Variants in PAG1 observed in about 807,000 individuals in gnomAD.
The protein encoded by PAG1 is phosphoprotein membrane anchor with glycosphingolipid microdomains 1, also known as phosphoprotein associated with glycosphingolipid-enriched microdomains 1.
In PAG1, 23 loss-of-function variants were observed where a neutral mutation model predicts 31.7. The observed-to-expected ratio is 0.73, with a 90% CI of 0.52 to 1.03. The LOEUF (loss-of-function observed/expected upper bound fraction) is 1.03. Ranked by LOEUF, PAG1 falls within the 50% of genes least tolerant of loss-of-function variation. The pLI is 0.00. For missense variants in PAG1, 473 were observed against 540.7 expected (o/e 0.87, Z 1.24); for synonymous variants, 214 against 210.3 (o/e 1.02, Z -0.15).
chr8:81,023,627 G>A (rs764658471), intron 3 of PAG1, among the ~76,000 whole-genome samples: 3 of 151,994 alleles, frequency 2.0e-5, no homozygotes, highest in African/African-American at 7.2e-5. Flanking sequence ...GAGAAAAAAA[G>A]GGAGAGAGAG....
intron 3 of PAG1, among the ~76,000 whole-genome samples, chr8:80,999,283 G>C (rs1215384242): frequency 1.3e-5 from 2 of 152,194 alleles, no homozygotes; most frequent in Non-Finnish European, 2.9e-5. Flanking sequence ...AGGTACAAAG[G>C]CTTTTGCCTA....
chr8:81,011,862 G>A (rs972612758), intron 3 of PAG1, among the ~76,000 whole-genome samples: 5 of 152,164 alleles, frequency 3.3e-5, no homozygotes, highest in African/African-American at 9.7e-5. Context: ...CTGGTAGAGA[G>A]GGCTTCTCCA....
intron 3 of PAG1, among the ~76,000 whole-genome samples, chr8:80,996,861 G>A (rs1807684418): frequency 6.6e-6 from 1 of 152,226 alleles, no homozygotes; most frequent in South Asian, 2.1e-4. Flanking sequence ...CTTAGGATGA[G>A]TGATGGGGGA....
At chr8:81,013,797 C>T (rs547876235) in intron 3 of PAG1, among the ~76,000 whole-genome samples, 73 of 152,218 alleles carry the variant, frequency 4.8e-4, no homozygotes, top group African/African-American at 1.7e-3. Flanking sequence ...CCAGGCTGGT[C>T]TCAAACTCCT....
At chr8:81,005,566 G>C (rs541569964) in intron 3 of PAG1, among the ~76,000 whole-genome samples, 1 of 152,148 alleles carries the variant, frequency 6.6e-6, no homozygotes, top group South Asian at 2.1e-4. Context: ...CCTTGGACCC[G>C]ATACAAAAGG....
chr8:80,992,031 A>T (rs1261197340), intron 4 of PAG1, among the ~76,000 whole-genome samples: 1 of 152,118 alleles, frequency 6.6e-6, no homozygotes, highest in Admixed American at 6.6e-5. Flanking sequence ...GTAAAAATAG[A>T]ATTTGTTTTT....
chr8:81,055,133 A>T (rs1399243797), intron 2 of PAG1, among the ~76,000 whole-genome samples: 1 of 145,206 alleles, frequency 6.9e-6, no homozygotes, highest in Non-Finnish European at 1.5e-5. Context: ...GTGCAATGAT[A>T]GTTCACTGCA....
At chr8:81,016,666 A>T (rs1290063176) in intron 3 of PAG1, among the ~76,000 whole-genome samples, 1 of 152,224 alleles carries the variant, frequency 6.6e-6, no homozygotes, top group African/African-American at 2.4e-5. Context: ...ATTGCAAAAA[A>T]TAACCATTAA....
chr8:81,109,912 G>A (rs955145922), intron 1 of PAG1, among the ~76,000 whole-genome samples: 1 of 152,176 alleles, frequency 6.6e-6, no homozygotes, highest in Non-Finnish European at 1.5e-5. Flanking sequence ...AGGGCTTAAT[G>A]GGTCAATCTG....
In PAG1 at chr8:80,969,701, T is replaced by C. The variant is rs1807037024; in HGVS notation, c.*6843A>G. ...AAAGAGAATGAGCAGAGATATCTGT[T>C]CTGCTAATTTTGAAAAAAAGTTACA... On this transcript the variant is annotated 3_prime_UTR_variant, in exon 9 of 9. Transcript: ENST00000220597. The C allele has an allele frequency of 6.6e-6, 1 of 152,226 alleles. No individual in the cohort carries two copies. Among genetic ancestry groups the C allele is most frequent in the Non-Finnish European group, 1.5e-5 (1 of 68,042 alleles). The allele number at this position is 152,226 out of a possible 1,614,324, so 9.4% of individuals were successfully genotyped here.
chr8:81,098,273 AGAT>A lies in PAG1; in HGVS notation c.-234+13315_-234+13317del, dbSNP rs749905797. 5.3e-5 allele frequency among the ~76,000 whole-genome samples: 8 copies of A among 152,366 alleles called. 1 individual carries two copies. Among genetic ancestry groups the A allele is most frequent in the Admixed American group, 3.3e-4 (5 of 15,308 alleles). On this transcript the variant is annotated intron_variant, in intron 1 of 8. Transcript: ENST00000220597. ...TAAGGACCATTAGGCAAATTACATAAGATGATTATGCAAAATTCAATAATTTGC... is the reference window on the plus strand; with the variant it reads ...TAAGGACCATTAGGCAAATTACATAAGATTATGCAAAATTCAATAATTTGC...
At chr8:81,073,009 T>C (rs1809119245) in intron 1 of PAG1, among the ~76,000 whole-genome samples, 2 of 152,228 alleles carry the variant, frequency 1.3e-5, no homozygotes, top group South Asian at 2.1e-4. Context: ...TATTGCTAGA[T>C]ATGCCTTTCC....
At chr8:81,076,268 A>C (rs1809175408) in intron 1 of PAG1, among the ~76,000 whole-genome samples, 1 of 152,236 alleles carries the variant, frequency 6.6e-6, no homozygotes, top group Admixed American at 6.5e-5. Flanking sequence ...AATTATCACA[A>C]GGCTTTGGAC....
At chr8:81,021,018 GGAGCCCAGATCATCT>G (rs1478990366) in intron 3 of PAG1, among the ~76,000 whole-genome samples, 1 of 152,244 alleles carries the variant, frequency 6.6e-6, no homozygotes, top group African/African-American at 2.4e-5. Flanking sequence ...GGCTGGGAAT[GGAGCCCAGATCATCT>G]GAGCCTGCAT....
chr8:81,040,652 C>A (rs1808539008), intron 2 of PAG1: 1 of 150,908 alleles, frequency 6.6e-6, no homozygotes, highest in African/African-American at 2.4e-5. Flanking sequence ...AAGGCTCTTC[C>A]ATTTATTTAC....
In PAG1 at chr8:81,045,418, C is replaced by G. The variant is rs16908463; in HGVS notation, c.-174-15329G>C. Reference sequence around the variant, plus strand: ...ATTAAATAGATGTGTCTGGATAAAGCTGCACTATGGTGCTTAGTCTCTGAT... The same window carrying G: ...ATTAAATAGATGTGTCTGGATAAAGGTGCACTATGGTGCTTAGTCTCTGAT... On this transcript the variant is annotated intron_variant, in intron 2 of 8. Transcript: ENST00000220597. 7.0e-3 allele frequency among the ~76,000 whole-genome samples: 1,060 copies of G among 152,326 alleles called. 72 individuals carry two copies. In the East Asian group the frequency reaches 0.16, roughly 23 times the overall value.
chr8:81,063,876 T>C (rs1256830831), intron 2 of PAG1, among the ~76,000 whole-genome samples: 1 of 152,040 alleles, frequency 6.6e-6, no homozygotes, highest in Admixed American at 6.6e-5. Flanking sequence ...AGGGAAGGGG[T>C]ACACATGCTC....
At chr8:81,029,076 C>G (rs974286440) in intron 3 of PAG1, among the ~76,000 whole-genome samples, 4 of 152,126 alleles carry the variant, frequency 2.6e-5, no homozygotes, top group Non-Finnish European at 2.9e-5. Flanking sequence ...TGTGCGGGTA[C>G]ACAAATATCT....
intron 1 of PAG1, among the ~76,000 whole-genome samples, chr8:81,090,238 G>A (rs1047220807): frequency 5.9e-5 from 9 of 152,170 alleles, no homozygotes; most frequent in African/African-American, 2.2e-4. Context: ...TATTCAGTGA[G>A]TATTCTATGT....
Sources: gnomAD v4.1 joint callset for allele counts (sites outside exome capture counted in the v4.1 genomes callset) on GRCh38, gnomAD v4.1.1 for gene constraint, MANE v1.5 for transcripts, NCBI Gene and HGNC (gene_info 2026-07-23, HGNC 2026-07-21) for gene names.